The following HYDIN variants were observed in gnomAD, a reference collection of about 807,000 sequenced individuals.
The protein encoded by HYDIN is axonemal central pair apparatus protein HYDIN.
HYDIN carries 132 observed loss-of-function variants against 403.9 expected under a neutral mutation model. The ratio of observed to expected loss-of-function variants is 0.33; its 90% CI spans 0.28 to 0.38. The LOEUF is 0.38. Among genes scored for constraint, HYDIN ranks in the 10% least tolerant of loss-of-function variants. HYDIN has a pLI of 1.00. For missense variants in HYDIN, 2,827 were observed against 5,009.5 expected (o/e 0.56, Z 13.15); for synonymous variants, 1,202 against 1,891.7 (o/e 0.64, Z 9.46).
chr16:71,198,276 G>A (rs932012969), intron 1 of HYDIN, among the ~76,000 whole-genome samples: 6 of 151,964 alleles, frequency 3.9e-5, no homozygotes, highest in Admixed American at 1.3e-4. Context: ...TTAACATTTG[G>A]GTTGTTTCCA....
intron 41 of HYDIN, among the ~76,000 whole-genome samples, chr16:70,949,739 CT>C (rs1306717988): frequency 6.6e-6 from 1 of 152,216 alleles, no homozygotes; most frequent in Admixed American, 6.5e-5. Context: ...TCTTGTCACA[CT>C]GGGGCAGTGC....
At chr16:70,893,213 C>G (rs1424980111) in intron 55 of HYDIN, among the ~76,000 whole-genome samples, 1 of 152,212 alleles carries the variant, frequency 6.6e-6, no homozygotes, top group African/African-American at 2.4e-5. Context: ...CTGTTCCAAC[C>G]TGAGAGTGAC....
chr16:70,888,107 T>C (rs571060039), intron 58 of HYDIN, among the ~76,000 whole-genome samples: 2 of 152,394 alleles, frequency 1.3e-5, no homozygotes, highest in Admixed American at 1.3e-4. Context: ...TCTTCTGTCT[T>C]TGCTGAGACA....
intron 23 of HYDIN, among the ~76,000 whole-genome samples, chr16:71,009,386 C>CT (rs59977381): frequency 0.42 from 60,900 of 144,314 alleles, 13,578 homozygotes; most frequent in East Asian, 0.63. Flanking sequence ...TTTTTCTTTT[C>CT]TTTTTTTTTT....
intron 84 of HYDIN, among the ~76,000 whole-genome samples, chr16:70,818,007 G>A (rs982768448): frequency 3.3e-5 from 5 of 152,302 alleles, no homozygotes; most frequent in Middle Eastern, 3.4e-3. Flanking sequence ...CTCCCAAAGC[G>A]GTGGGATTAT....
At chr16:71,040,922 C>G (rs907494970) in intron 18 of HYDIN, among the ~76,000 whole-genome samples, 3 of 142,858 alleles carry the variant, frequency 2.1e-5, no homozygotes, top group African/African-American at 7.9e-5. Flanking sequence ...TTCCGACCCA[C>G]GAAAAACTTA....
chr16:71,010,683 C>G (rs943186007), intron 23 of HYDIN, among the ~76,000 whole-genome samples: 4 of 152,252 alleles, frequency 2.6e-5, no homozygotes, highest in African/African-American at 9.6e-5. Flanking sequence ...GACTCGGACA[C>G]CAGCACCCTG....
intron 19 of HYDIN, among the ~76,000 whole-genome samples, chr16:71,030,423 CTTCTT>C (rs1273003936): frequency 6.7e-6 from 1 of 149,282 alleles, no homozygotes; most frequent in East Asian, 2.0e-4. Flanking sequence ...GTGTGTTGTT[CTTCTT>C]TTCTTTCTTT....
intron 18 of HYDIN, among the ~76,000 whole-genome samples, chr16:71,036,515 C>T (rs10852480): frequency 0.11 from 16,204 of 142,140 alleles, 735 homozygotes; most frequent in African/African-American, 0.17. Flanking sequence ...CCTCTGTTCA[C>T]GATGAAGTGA....
At chr16:71,001,873 G>A (rs564221468) in intron 23 of HYDIN, among the ~76,000 whole-genome samples, 6 of 152,306 alleles carry the variant, frequency 3.9e-5, no homozygotes, top group Admixed American at 1.3e-4. Flanking sequence ...CACTTGGTAC[G>A]ATCATATTTA....
chr16:71,227,758 G>A (rs1490762646), intron 1 of HYDIN, among the ~76,000 whole-genome samples: 1 of 152,162 alleles, frequency 6.6e-6, no homozygotes, highest in East Asian at 1.9e-4. Context: ...TAGATTCAGT[G>A]CCATCCCCAT....
chr16:70,877,516 T>C (rs1043404056), intron 62 of HYDIN, among the ~76,000 whole-genome samples: 2 of 152,202 alleles, frequency 1.3e-5, no homozygotes, highest in Non-Finnish European at 1.5e-5. Context: ...GAATACAATT[T>C]TTCCATGGAC....
chr16:70,880,659 G>T (rs957442193), intron 60 of HYDIN, among the ~76,000 whole-genome samples: 2 of 152,196 alleles, frequency 1.3e-5, no homozygotes, highest in Admixed American at 6.5e-5. Flanking sequence ...AACTCCAAGA[G>T]CCTTGGCTAG....
At chr16:70,970,415 G>T (rs1215380574) in intron 36 of HYDIN, 105 bp downstream of exon 36, 7 of 660,388 alleles carry the variant, frequency 1.1e-5, no homozygotes, top group Non-Finnish European at 1.6e-5. Context: ...AGGGAAGTAG[G>T]TCAGAAAAGG....
chr16:70,930,313 T>C (rs2077279763), intron 45 of HYDIN, among the ~76,000 whole-genome samples: 2 of 152,184 alleles, frequency 1.3e-5, no homozygotes, highest in Admixed American at 1.3e-4. Context: ...AAACCCCGTC[T>C]CTACTAAAAA....
At chr16:71,037,793 C>T (rs1485542614) in intron 18 of HYDIN, among the ~76,000 whole-genome samples, 2 of 152,248 alleles carry the variant, frequency 1.3e-5, no homozygotes, top group African/African-American at 4.8e-5. Context: ...CTCACCAAGA[C>T]TCCCGAAAGG....
Position 70,863,187 on chromosome 16 carries a change from A to T in HYDIN, c.11472-5T>A, listed in dbSNP as rs756982688. ...CCTGAATTAATCACATCGAACCTGC[A>T]AATCGATCAGGGAGCAGATTTGAGA... is the stretch of plus-strand genomic sequence containing the variant. On this transcript the variant is annotated splice_region_variant and splice_polypyrimidine_tract_variant and intron_variant, in intron 67 of 85. Transcript: ENST00000393567. 1 of 1,612,418 alleles carries T rather than the reference A, an allele frequency of 6.2e-7. No homozygotes were observed. Among genetic ancestry groups the T allele is most frequent in the Non-Finnish European group, 8.5e-7 (1 of 1,179,410 alleles).
At chr16:71,022,379 A>G (rs937601357) in intron 21 of HYDIN, among the ~76,000 whole-genome samples, 5 of 152,184 alleles carry the variant, frequency 3.3e-5, no homozygotes, top group East Asian at 1.9e-4. Flanking sequence ...GCTAGTTTCA[A>G]TTGACCTTTT....
intron 54 of HYDIN, among the ~76,000 whole-genome samples, chr16:70,895,750 A>G (rs934065397): frequency 1.1e-4 from 17 of 152,008 alleles, no homozygotes; most frequent in Non-Finnish European, 2.4e-4. Context: ...CTCTGAAAAG[A>G]GCTCTGCAAA....
Sources: allele counts gnomAD v4.1 joint callset (sites outside exome capture counted in the v4.1 genomes callset), GRCh38; gene constraint gnomAD v4.1.1; transcripts MANE v1.5; gene names NCBI Gene and HGNC (gene_info 2026-07-23, HGNC 2026-07-21).